The following METTL17 variants were observed in gnomAD, a reference collection of about 807,000 sequenced individuals.
The protein encoded by METTL17 is ribosome assembly protein METTL17, mitochondrial.
In METTL17, 49 loss-of-function variants were observed where a neutral mutation model predicts 59.4. That is an observed-to-expected ratio of 0.82 (90% CI 0.66 to 1.05). The LOEUF (loss-of-function observed/expected upper bound fraction) is 1.05. METTL17 is among the 50% of genes least tolerant of loss of function. The probability of loss-of-function intolerance (pLI) is 0.00; values close to 1 mark genes in which losing one functional copy is unlikely to be tolerated. For missense variants in METTL17, 555 were observed against 578.4 expected (o/e 0.96, Z 0.41); for synonymous variants, 208 against 209.2 (o/e 0.99, Z 0.05).
intron 2 of METTL17, 40 bp downstream of exon 2, chr14:20,990,423 C>G (rs1338688358): frequency 1.2e-6 from 2 of 1,613,574 alleles, no homozygotes; most frequent in African/African-American, 2.7e-5. Flanking sequence ...CGGGACTGGA[C>G]CTACATGCAA....
intron 3 of METTL17, among the ~76,000 whole-genome samples, chr14:20,991,175 A>G (rs1410993355): frequency 6.6e-6 from 1 of 152,094 alleles, no homozygotes; most frequent in Admixed American, 6.6e-5. Flanking sequence ...CTGCAAGTCC[A>G]CTGGATTAGG....
chr14:20,990,246 T>TC lies in METTL17; in HGVS notation c.92_93insC (p.Pro32ThrfsTer8), dbSNP rs778553013. ...TGCCTGCAGGCGCTCGCCGCCTTAG[T>TC]ACCCGGAGTGACCCAGGTAGATAAC... On this transcript the variant is annotated frameshift_variant, in exon 2 of 14. Transcript: ENST00000339374. LOFTEE classifies it high-confidence loss of function. The TC allele has an allele frequency of 6.2e-7, 1 of 1,614,242 alleles. No homozygotes were observed. The highest frequency in any genetic ancestry group is 1.1e-5 in the South Asian group (1 of 91,088).
At position 20,996,520 on chromosome 14, in the gene METTL17, A is replaced by G. The variant is rs553540364; in HGVS notation, c.1081-7A>G. On this transcript the variant is annotated splice_region_variant and splice_polypyrimidine_tract_variant and intron_variant, in intron 12 of 13. Transcript: ENST00000339374. ...CTTCTAAACAGTCTCTATGTTCCTT[A>G]TCTTAGAACAAGAAACCAAAGGAAG... is the stretch of plus-strand genomic sequence containing the variant. 3 of 1,607,328 alleles carry G rather than the reference A, an allele frequency of 1.9e-6. No individual in the cohort carries two copies. The highest frequency in any genetic ancestry group is 2.2e-5 in the East Asian group (1 of 44,714).
At position 20,990,661 on chromosome 14, in the gene METTL17, A is replaced by G. The variant is rs1288273298; in HGVS notation, c.364+63A>G. On this transcript the variant is annotated intron_variant, in intron 3 of 13. Transcript: ENST00000339374. ...AAATATCGGTTAGAAATGAAGAGTA[A>G]GAAATAATTCTACAATCTCTCAGAT... The G allele has an allele frequency of 2.5e-6, 4 of 1,588,132 alleles. No individual in the cohort carries two copies. In the African/African-American group the frequency reaches 5.4e-5, roughly 22 times the overall value.
Position 20,990,589 on chromosome 14 carries a change from G to A in METTL17, c.355G>A (p.Glu119Lys). The change falls in exon 3 of 14, where the codon GAA becomes AAA. Residue 119 changes from glutamate to lysine, a missense_variant. Transcript: ENST00000339374. ...TAGGCATCTTGAGAAAAAATTCCTG[G>A]AAAACCCAGGTAGGACTTAAGAATA... Reference protein sequence around the residue: ...RARHLEKKFLENPDLSQTEEK... With the variant: ...RARHLEKKFLKNPDLSQTEEK... 1 of 1,614,164 alleles carries A rather than the reference G, an allele frequency of 6.2e-7. No homozygotes were observed. Among genetic ancestry groups the A allele is most frequent in the Admixed American group, 1.7e-5 (1 of 60,024 alleles).
rs1197147006 is a variant in METTL17 at position 20,995,908 on chromosome 14, AG to A, written c.954del (p.Lys319SerfsTer24). ...DARDLVLKGK[E>X]KSPLDPRPGF... ...TATTTCCTTTGATTTCAGGGAAAAG[AG>A]AAGTCACCTTTGGACCCTCGACCTG... is the stretch of plus-strand genomic sequence containing the variant. On this transcript the variant is annotated frameshift_variant, in exon 11 of 14. Transcript: ENST00000339374. LOFTEE classifies it high-confidence loss of function. 1 of 1,614,128 alleles carries A rather than the reference AG, an allele frequency of 6.2e-7. No homozygotes were observed. Among genetic ancestry groups the A allele is most frequent in the South Asian group, 1.1e-5 (1 of 91,078 alleles).
In METTL17 at chr14:20,995,195, C is replaced by T. The variant is rs1413627925; in HGVS notation, c.907C>T (p.His303Tyr). Residue 303 changes from histidine to tyrosine, a missense_variant, in exon 10 of 14, where the codon CAC (histidine) becomes TAC (tyrosine). His to Tyr is a moderately conservative substitution (Grantham distance 83, BLOSUM62 2). Coordinates refer to ENST00000339374, the MANE Select transcript of METTL17 (RefSeq NM_022734.3). ...GGTGGAGAATGGAACAAAAGCTGGG[C>T]ACAGCCTTCTCATGGATGCCAGGGA... ...VLVENGTKAG[H>Y]SLLMDARDLV... 2 of 1,614,202 alleles carry T rather than the reference C, an allele frequency of 1.2e-6. No individual in the cohort carries two copies. The highest frequency in any genetic ancestry group is 2.2e-5 in the East Asian group (1 of 44,886).
chr14:20,993,380 T>C, intron 6 of METTL17, 189 bp downstream of exon 6: 2 of 486,282 alleles, frequency 4.1e-6, no homozygotes, highest in East Asian at 3.2e-5. Flanking sequence ...TTAAAAGAAA[T>C]GTCAAGTAAA....
chr14:20,996,475 CT>C (rs1225035751), intron 12 of METTL17, 51 bp from the exon 13 acceptor site: 4 of 1,569,516 alleles, frequency 2.5e-6, no homozygotes, highest in Admixed American at 1.8e-5. Context: ...ACTGTACAAA[CT>C]TTTTTCCCAT....
chr14:20,996,801 GC>G lies in METTL17; in HGVS notation c.1285del (p.Arg429ValfsTer33). 6.2e-7 allele frequency: 1 copy of G among 1,614,168 alleles called. No homozygotes were observed. Among genetic ancestry groups the G allele is most frequent in the South Asian group, 1.1e-5 (1 of 91,084 alleles). On this transcript the variant is annotated frameshift_variant, in exon 14 of 14. Transcript: ENST00000339374. LOFTEE classifies it high-confidence loss of function. ...TTTCCACAGGGATTTGTATCGTTGTGCCCGTGTCAGCTCCTGGGGAGATCTT... is the reference window on the plus strand; with the variant it reads ...TTTCCACAGGGATTTGTATCGTTGTGCCGTGTCAGCTCCTGGGGAGATCTT... The part of the protein sequence containing the change: ...RRHGRDLYRC[A>X]RVSSWGDLLP...
At chr14:20,993,299 T>C (rs773510669) in intron 6 of METTL17, 108 bp downstream of exon 6, 12 of 906,160 alleles carry the variant, frequency 1.3e-5, no homozygotes, top group Non-Finnish European at 2.2e-5. Context: ...AATAGGCAAG[T>C]TGGGAATCTA....
chr14:20,996,089 TC>T (rs1880354497), intron 11 of METTL17, 119 bp from the exon 12 acceptor site: 11 of 1,268,620 alleles, frequency 8.7e-6, no homozygotes, highest in Non-Finnish European at 1.1e-5. Flanking sequence ...CCCTGGCTCT[TC>T]CTACCCACTG....
intron 8 of METTL17, 22 bp from the exon 9 acceptor site, chr14:20,994,772 T>C (rs1880260481): frequency 6.3e-7 from 1 of 1,595,246 alleles, no homozygotes; most frequent in Non-Finnish European, 8.6e-7. Context: ...GAGTCTGTCA[T>C]GTTCCTTGTC....
rs1341594482 is a variant in METTL17, at chr14:20,992,576, C to G, written c.482C>G (p.Ala161Gly). Residue 161 changes from alanine (A) to glycine (G), a missense_variant, in exon 5 of 14, where the codon GCA becomes GGA. Ala to Gly is a moderately conservative substitution (Grantham distance 60). Coordinates refer to ENST00000339374, the MANE Select transcript of METTL17 (RefSeq NM_022734.3). ...TEGLSLVYMA[A>G]RLDGGFAAVS... ...GGACTGAGCCTGGTGTATATGGCAG[C>G]AAGACTGGATGGTGGCTTTGCAGCA... 2 of 1,613,984 alleles carry G rather than the reference C, an allele frequency of 1.2e-6. No homozygotes were observed. The highest frequency in any genetic ancestry group is 1.7e-6 in the Non-Finnish European group (2 of 1,179,990).
chr14:20,990,792 A>C (rs1411905568), intron 3 of METTL17, 194 bp downstream of exon 3: 1 of 673,294 alleles, frequency 1.5e-6, no homozygotes, highest in East Asian at 2.8e-5. Context: ...AAAGGTCAGA[A>C]TGTCCCAGTA....
intron 5 of METTL17, 84 bp downstream of exon 5, chr14:20,992,706 G>A: frequency 9.3e-7 from 1 of 1,079,564 alleles, no homozygotes; most frequent in Non-Finnish European, 1.4e-6. Context: ...GGGGATTCTT[G>A]GGACATTGCA....
chr14:20,992,136 CAG>C lies in METTL17; in HGVS notation c.380_381del (p.Glu127GlyfsTer13). 6.2e-7 allele frequency: 1 copy of C among 1,613,224 alleles called. No homozygotes were observed. Among genetic ancestry groups the C allele is most frequent in the Non-Finnish European group, 8.5e-7 (1 of 1,179,724 alleles). ...GTTCTCACCACAGACTTATCTCAGACAGAGGAGAAACTTCGTGGAGCAGTGCT... is the reference window on the plus strand; with the variant it reads ...GTTCTCACCACAGACTTATCTCAGACAGGAGAAACTTCGTGGAGCAGTGCT... On this transcript the variant is annotated frameshift_variant, in exon 4 of 14. Coordinates refer to ENST00000339374, the MANE Select transcript of METTL17 (RefSeq NM_022734.3). LOFTEE classifies it high-confidence loss of function.
In METTL17 at chr14:20,996,712, G is replaced by C. The variant is rs1880401669; in HGVS notation, c.1265+1G>C. 1 of 1,614,236 alleles carries C rather than the reference G, an allele frequency of 6.2e-7. No homozygotes were observed. The highest frequency in any genetic ancestry group is 2.2e-5 in the East Asian group (1 of 44,884). On this transcript the variant is annotated splice_donor_variant, in intron 13 of 13. Transcript: ENST00000339374. LOFTEE classifies it high-confidence loss of function. The stretch of plus-strand genomic sequence containing the variant: ...TGCTCACAGCCCGCCGGCACGGCAG[G>C]TATGGGGGGTGTGACCAAAATCAGT...
Position 20,993,156 on chromosome 14 carries a change from G to A in METTL17, c.567G>A (p.Leu189=), listed in dbSNP as rs201850100. 5.0e-6 allele frequency: 8 copies of A among 1,613,998 alleles called. No homozygotes were observed. Among genetic ancestry groups the A allele is most frequent in the South Asian group, 1.1e-5 (1 of 91,080 alleles). ...ATCCAGCATTTCAGCCACAAACTTTGATGGACTTTGGCTCAGGTACTGGTT... is the reference window on the plus strand; with the variant it reads ...ATCCAGCATTTCAGCCACAAACTTTAATGGACTTTGGCTCAGGTACTGGTT... ...ARNPAFQPQT[L]MDFGSGTGSV... is the part of the protein sequence containing the mutation. Residue 189 remains leucine (L), a synonymous_variant, in exon 6 of 14, where the codon TTG becomes TTA. Coordinates refer to ENST00000339374, the MANE Select transcript of METTL17 (RefSeq NM_022734.3).
Sources: allele counts gnomAD v4.1 joint callset (sites outside exome capture counted in the v4.1 genomes callset), GRCh38; gene constraint gnomAD v4.1.1; transcripts MANE v1.5; gene names NCBI Gene and HGNC (gene_info 2026-07-23, HGNC 2026-07-21).